FMN1: variants seen among roughly 807,000 people sequenced by gnomAD.
FMN1 encodes formin 1.
In FMN1, 110 loss-of-function variants were observed where a neutral mutation model predicts 132.4. The ratio of observed to expected loss-of-function variants is 0.83; its 90% CI spans 0.71 to 0.97. The LOEUF (loss-of-function observed/expected upper bound fraction) is 0.97, where lower values mean the gene tolerates loss of function less well. FMN1 is among the 50% of genes least tolerant of loss of function. FMN1 has a pLI of 0.00. For missense variants in FMN1, 1,792 were observed against 1,705.3 expected (o/e 1.05, Z -0.90); for synonymous variants, 722 against 651.7 (o/e 1.11, Z -1.64).
At chr15:33,016,164 A>G (rs183003437) in intron 6 of FMN1, among the ~76,000 whole-genome samples, 12 of 152,344 alleles carry the variant, frequency 7.9e-5, no homozygotes, top group African/African-American at 2.6e-4. Context: ...TATGTATCAA[A>G]TTTCAAGAAG....
chr15:33,024,223 A>ATTTTTTTTTTTT lies in FMN1; in HGVS notation c.2162-16160_2162-16149dup, dbSNP rs555760509. 3.3e-4 allele frequency among the ~76,000 whole-genome samples: 29 copies of ATTTTTTTTTTTT among 88,006 alleles called. 5 individuals are homozygous for ATTTTTTTTTTTT. Among genetic ancestry groups the ATTTTTTTTTTTT allele is most frequent in the East Asian group, 1.9e-3 (4 of 2,084 alleles). 57.7% of individuals were successfully genotyped at this position (88,006 alleles called of 152,430 possible). A position where few individuals can be genotyped will look rare whatever the true frequency, so the allele number is the denominator to read the frequency against. ...GGGAATACTATTTCACACCTATCAG[A>ATTTTTTTTTTTT]TTTTTTTTTTTTTTTTTTTTTTTTT... On this transcript the variant is annotated intron_variant, in intron 6 of 20. Coordinates refer to ENST00000616417, the MANE Select transcript of FMN1 (RefSeq NM_001277313.2).
chr15:32,862,057 G>A (rs545566045), intron 16 of FMN1, among the ~76,000 whole-genome samples: 1 of 152,204 alleles, frequency 6.6e-6, no homozygotes, highest in South Asian at 2.1e-4. Context: ...AGAGCCACGC[G>A]CCCCGGAGGC....
At chr15:32,859,487 T>C (rs2059214763) in intron 16 of FMN1, among the ~76,000 whole-genome samples, 1 of 152,222 alleles carries the variant, frequency 6.6e-6, no homozygotes, top group Admixed American at 6.5e-5. Context: ...CATACATTCT[T>C]TCAACAATAT....
chr15:33,042,035 TAA>T (rs36019355), intron 6 of FMN1, among the ~76,000 whole-genome samples: 1 of 151,700 alleles, frequency 6.6e-6, no homozygotes, highest in Non-Finnish European at 1.5e-5. Flanking sequence ...GATGTCTACC[TAA>T]AAAAAATCCA....
Position 33,128,864 on chromosome 15 carries a change from G to A in FMN1, c.1867+24184C>T, listed in dbSNP as rs114757857. ...GAAGACAACCGGAGCAGACTGCAGA[G>A]GCCTGCGTGCGTGGCCAGCTTTTAT... On this transcript the variant is annotated intron_variant, in intron 4 of 20. Coordinates refer to ENST00000616417, the MANE Select transcript of FMN1 (RefSeq NM_001277313.2). 1.8e-3 allele frequency among the ~76,000 whole-genome samples: 277 copies of A among 152,290 alleles called. 1 individual carries two copies. Among genetic ancestry groups the A allele is most frequent in the African/African-American group, 6.0e-3 (251 of 41,540 alleles).
At chr15:32,950,247 A>G (rs1009481701) in intron 9 of FMN1, among the ~76,000 whole-genome samples, 1 of 151,162 alleles carries the variant, frequency 6.6e-6, no homozygotes, top group Non-Finnish European at 1.5e-5. Flanking sequence ...GGGAGAGTAA[A>G]TTAGTTCAAC....
At chr15:32,888,062 C>T in intron 16 of FMN1, 110 bp downstream of exon 16, 1 of 883,030 alleles carries the variant, frequency 1.1e-6, no homozygotes, top group South Asian at 2.3e-5. Flanking sequence ...TGTACCATTG[C>T]TGAACTCTGC....
chr15:33,089,573 T>C (rs1482421243), intron 4 of FMN1, among the ~76,000 whole-genome samples: 1 of 152,236 alleles, frequency 6.6e-6, no homozygotes, highest in Non-Finnish European at 1.5e-5. Flanking sequence ...TGCCATAGGA[T>C]GATAATCATT....
chr15:32,883,509 CAAAAAAAAAAAAAAAAA>C (rs60737133), intron 16 of FMN1, among the ~76,000 whole-genome samples: 11 of 25,922 alleles, frequency 4.2e-4, no homozygotes, highest in Admixed American at 3.1e-3. Context: ...GAACCTATCT[CAAAAAAAAAAAAAAAAA>C]AAAAAAAAAA....
intron 16 of FMN1, among the ~76,000 whole-genome samples, chr15:32,872,683 A>G (rs1478791255): frequency 6.6e-6 from 1 of 152,232 alleles, no homozygotes; most frequent in East Asian, 1.9e-4. Context: ...CCAGCAGTGC[A>G]ACAGCTGGCT....
intron 16 of FMN1, among the ~76,000 whole-genome samples, chr15:32,861,048 TAAAGA>T (rs955493125): frequency 2.0e-5 from 3 of 152,188 alleles, no homozygotes; most frequent in African/African-American, 7.2e-5. Context: ...AGAATACAGT[TAAAGA>T]AAAGCTAGGA....
At position 33,176,505 on chromosome 15, in the gene FMN1, C is replaced by CAAAA. The variant is rs1491458030; in HGVS notation, c.-132+3692_-132+3693insTTTT. ...TGGGCGACAGAGTGAGACCCTGTCT[C>CAAAA]CAAAAAAAAAAAAAAAAAAAAAAAT... is the stretch of plus-strand genomic sequence containing the variant. On this transcript the variant is annotated intron_variant, in intron 3 of 20. Coordinates refer to ENST00000616417, the MANE Select transcript of FMN1 (RefSeq NM_001277313.2). Among the ~76,000 whole-genome samples the CAAAA allele has an allele frequency of 1.2e-4, 6 of 49,656 alleles. 1 individual carries two copies. Among genetic ancestry groups the CAAAA allele is most frequent in the South Asian group, 1.1e-3 (1 of 908 alleles). 32.6% of individuals were successfully genotyped at this position (49,656 alleles called of 152,430 possible).
chr15:32,821,449 CTTTTTTTT>C (rs34336647), intron 17 of FMN1, among the ~76,000 whole-genome samples: 1 of 110,830 alleles, frequency 9.0e-6, no homozygotes. Context: ...ATATTTAAAT[CTTTTTTTT>C]TTTTTTTTTT....
intron 19 of FMN1, among the ~76,000 whole-genome samples, chr15:32,794,988 G>A (rs2057232554): frequency 6.6e-6 from 1 of 152,162 alleles, no homozygotes; most frequent in Non-Finnish European, 1.5e-5. Context: ...TTGAGCCCAG[G>A]AGTTTGAGAC....
chr15:32,817,845 GCT>G (rs1410643744), intron 17 of FMN1, among the ~76,000 whole-genome samples: 1 of 152,160 alleles, frequency 6.6e-6, no homozygotes, highest in Non-Finnish European at 1.5e-5. Context: ...CAGAGAAAAA[GCT>G]TTTGTTGAAG....
chr15:32,768,729 T>C lies in FMN1; in HGVS notation c.*5581A>G, dbSNP rs568772660. The stretch of plus-strand genomic sequence containing the variant: ...TTGGAAAAATAGCCCACAAGTGTAG[T>C]TGGATCAGCCTTTAGAAAAGGAGAC... On this transcript the variant is annotated 3_prime_UTR_variant, in exon 21 of 21. Transcript: ENST00000616417. The C allele has an allele frequency of 1.3e-5, 2 of 152,284 alleles. No homozygotes were observed. Among genetic ancestry groups the C allele is most frequent in the South Asian group, 2.1e-4 (1 of 4,830 alleles). The allele number at this position is 152,284 out of a possible 1,614,324, so 9.4% of individuals were successfully genotyped here.
Position 32,900,145 on chromosome 15 carries a change from T to C in FMN1, c.3508-20A>G. 1 of 1,613,168 alleles carries C rather than the reference T, an allele frequency of 6.2e-7. No homozygotes were observed. Among genetic ancestry groups the C allele is most frequent in the Non-Finnish European group, 8.5e-7 (1 of 1,179,788 alleles). ...CAAGTCCTGTGATGGCAAACACCAG[T>C]TATTACGGAGCTGAACTCCAAATGC... is the stretch of plus-strand genomic sequence containing the variant. On this transcript the variant is annotated intron_variant, in intron 13 of 20. Transcript: ENST00000616417.
chr15:33,033,250 T>C (rs936730785), intron 6 of FMN1, among the ~76,000 whole-genome samples: 9 of 152,174 alleles, frequency 5.9e-5, no homozygotes, highest in African/African-American at 2.2e-4. Flanking sequence ...CAGGATAGTC[T>C]TGATCTCCTG....
chr15:33,127,928 A>C (rs12906180), intron 4 of FMN1, among the ~76,000 whole-genome samples: 5,462 of 133,248 alleles, frequency 0.041, 150 homozygotes, highest in Middle Eastern at 0.067. Context: ...ATGGAAATAG[A>C]AGAAGAGGCA....
Sources: gnomAD v4.1 joint callset for allele counts (sites outside exome capture counted in the v4.1 genomes callset) on GRCh38, gnomAD v4.1.1 for gene constraint, MANE v1.5 for transcripts, NCBI Gene and HGNC (gene_info 2026-07-23, HGNC 2026-07-21) for gene names.